CCDC192: variants seen among roughly 807,000 people sequenced by gnomAD.
CCDC192 encodes coiled-coil domain-containing protein 192.
chr5:127,805,737 G>A (rs1757746699), intron 5 of CCDC192, among the ~76,000 whole-genome samples: 1 of 152,144 alleles, frequency 6.6e-6, no homozygotes, highest in Non-Finnish European at 1.5e-5. Flanking sequence ...TATTTTTGTT[G>A]CATGTGTTCA....
intron 5 of CCDC192, among the ~76,000 whole-genome samples, chr5:127,804,108 A>G (rs1757654750): frequency 6.6e-6 from 1 of 152,194 alleles, no homozygotes; most frequent in African/African-American, 2.4e-5. Context: ...CTGCCATTTT[A>G]CTTTCTAAAT....
chr5:127,900,301 A>C lies in CCDC192; in HGVS notation c.535+24640A>C, dbSNP rs192731022. The stretch of plus-strand genomic sequence containing the variant: ...AGATGCTACAGCTTTAAAGCAGGGT[A>C]GCATCCTAAACTCAGATGTACATGG... On this transcript the variant is annotated intron_variant, in intron 6 of 6. Coordinates refer to ENST00000514853, the MANE Select transcript of CCDC192 (RefSeq NM_001317938.2). Among the ~76,000 whole-genome samples, 4 of 152,342 alleles carry C rather than the reference A, an allele frequency of 2.6e-5. 1 individual carries two copies. Among genetic ancestry groups the C allele is most frequent in the Admixed American group, 2.6e-4 (4 of 15,306 alleles).
At chr5:127,747,212 C>A (rs1396925540) in intron 2 of CCDC192, among the ~76,000 whole-genome samples, 1 of 151,850 alleles carries the variant, frequency 6.6e-6, no homozygotes, top group African/African-American at 2.4e-5. Context: ...CCCACTAACT[C>A]GTCATCTAGC....
At chr5:127,826,245 C>CA (rs1749527255) in intron 5 of CCDC192, among the ~76,000 whole-genome samples, 1 of 151,994 alleles carries the variant, frequency 6.6e-6, no homozygotes, top group Admixed American at 6.6e-5. Context: ...CCATCTCACA[C>CA]GAGTCAGGAT....
chr5:127,776,200 A>T (rs1755847853), intron 3 of CCDC192, among the ~76,000 whole-genome samples: 1 of 152,230 alleles, frequency 6.6e-6, no homozygotes, highest in Non-Finnish European at 1.5e-5. Context: ...CTTTGACAAA[A>T]ATGCTAACAA....
At chr5:127,842,578 A>T (rs1466703652) in intron 5 of CCDC192, among the ~76,000 whole-genome samples, 1 of 152,258 alleles carries the variant, frequency 6.6e-6, no homozygotes, top group Non-Finnish European at 1.5e-5. Flanking sequence ...ACTGGATTTC[A>T]AAAGCGATGT....
At chr5:127,864,832 G>T (rs1331254191) in intron 5 of CCDC192, among the ~76,000 whole-genome samples, 1 of 152,080 alleles carries the variant, frequency 6.6e-6, no homozygotes, top group Non-Finnish European at 1.5e-5. Flanking sequence ...TTAAACTTAT[G>T]TTCTAAGGAC....
At chr5:127,822,361 C>T (rs536920991) in intron 5 of CCDC192, among the ~76,000 whole-genome samples, 19 of 152,290 alleles carry the variant, frequency 1.2e-4, no homozygotes, top group African/African-American at 4.6e-4. Flanking sequence ...AAACCTCATT[C>T]ATTCCTTTCT....
intron 5 of CCDC192, among the ~76,000 whole-genome samples, chr5:127,836,415 G>A (rs1481868421): frequency 6.6e-6 from 1 of 152,138 alleles, no homozygotes; most frequent in Admixed American, 6.5e-5. Flanking sequence ...GTGTTCTGGG[G>A]TCTGGTGGCC....
At chr5:127,722,090 G>A (rs1752060813) in intron 2 of CCDC192, among the ~76,000 whole-genome samples, 1 of 152,152 alleles carries the variant, frequency 6.6e-6, no homozygotes, top group African/African-American at 2.4e-5. Flanking sequence ...AACAGTGTAT[G>A]AGGGTTCCCT....
At chr5:127,830,655 G>A (rs1749746632) in intron 5 of CCDC192, among the ~76,000 whole-genome samples, 1 of 152,026 alleles carries the variant, frequency 6.6e-6, no homozygotes, top group African/African-American at 2.4e-5. Context: ...CAGAGGGATA[G>A]GACATCAATA....
chr5:127,715,127 G>C (rs1365439609), intron 2 of CCDC192, among the ~76,000 whole-genome samples: 1 of 152,072 alleles, frequency 6.6e-6, no homozygotes, highest in Non-Finnish European at 1.5e-5. Flanking sequence ...TTTTCAAATT[G>C]ATGTAATCCC....
chr5:127,924,198 A>C (rs967839920), intron 6 of CCDC192, among the ~76,000 whole-genome samples: 1 of 152,260 alleles, frequency 6.6e-6, no homozygotes, highest in African/African-American at 2.4e-5. Context: ...ACACTTTATC[A>C]TTTGATGGTT....
At chr5:127,922,407 G>C (rs967150672) in intron 6 of CCDC192, among the ~76,000 whole-genome samples, 1 of 152,004 alleles carries the variant, frequency 6.6e-6, no homozygotes, top group Non-Finnish European at 1.5e-5. Flanking sequence ...TTTCATTTCT[G>C]TTATAAATCG....
chr5:127,804,287 C>A (rs60534119), intron 5 of CCDC192, among the ~76,000 whole-genome samples: 4,373 of 152,280 alleles, frequency 0.029, 197 homozygotes, highest in African/African-American at 0.099. Flanking sequence ...CCCAGATATT[C>A]TCTACAATTG....
intron 5 of CCDC192, among the ~76,000 whole-genome samples, chr5:127,852,618 A>G (rs1000759184): frequency 1.3e-5 from 2 of 152,170 alleles, no homozygotes; most frequent in African/African-American, 4.8e-5. Context: ...CCCTGACTAT[A>G]AAACTCTGAG....
intron 6 of CCDC192, among the ~76,000 whole-genome samples, chr5:127,913,833 G>C (rs1394878286): frequency 6.6e-6 from 1 of 152,172 alleles, no homozygotes; most frequent in African/African-American, 2.4e-5. Flanking sequence ...GAGTTAATAA[G>C]CTTGGCAAGA....
chr5:127,821,178 T>A (rs1433467630), intron 5 of CCDC192, among the ~76,000 whole-genome samples: 5 of 152,220 alleles, frequency 3.3e-5, no homozygotes, highest in African/African-American at 1.2e-4. Context: ...TTTGCCTATT[T>A]CTGTGGTTTA....
At chr5:127,880,532 G>A (rs1387761443) in intron 6 of CCDC192, among the ~76,000 whole-genome samples, 3 of 151,180 alleles carry the variant, frequency 2.0e-5, no homozygotes, top group African/African-American at 7.3e-5. Flanking sequence ...CAGCGCACCA[G>A]CATGGCACAT....
Sources: gnomAD v4.1 joint callset for allele counts (sites outside exome capture counted in the v4.1 genomes callset) on GRCh38, gnomAD v4.1.1 for gene constraint, MANE v1.5 for transcripts, NCBI Gene and HGNC (gene_info 2026-07-23, HGNC 2026-07-21) for gene names.